The following APOB variants were observed in gnomAD, a reference collection of about 807,000 sequenced individuals.
APOB encodes apolipoprotein B-100.
APOB carries 153 observed loss-of-function variants against 314.1 expected under a neutral mutation model. The observed-to-expected ratio is 0.49, with a 90% CI of 0.43 to 0.56. The LOEUF (loss-of-function observed/expected upper bound fraction) is 0.56, where lower values mean the gene tolerates loss of function less well. APOB is among the 20% of genes least tolerant of loss of function. The pLI is 0.00. For missense variants in APOB, 5,430 were observed against 5,350.7 expected (o/e 1.01, Z -0.46); for synonymous variants, 2,087 against 2,036.4 (o/e 1.02, Z -0.67).
Position 21,032,486 on chromosome 2 carries a change from A to G in APOB, c.1220T>C (p.Leu407Pro). 6.2e-7 allele frequency: 1 copy of G among 1,614,196 alleles called. No homozygotes were observed. Among genetic ancestry groups the G allele is most frequent in the Non-Finnish European group, 8.5e-7 (1 of 1,180,028 alleles). ...CACCAGGTAGGTGACCACATCTATC[A>G]GAAGGGGGTTGGCATGCACACGTTT... ...WLKRVHANPL[L>P]IDVVTYLVAL... Residue 407 changes from leucine (L) to proline (P), a missense_variant, in exon 10 of 29, where the codon CTG becomes CCG. This residue lies in a region of APOB where 2,085 missense variants were observed against 2,079.7 expected (regional missense o/e 1.00). Coordinates refer to ENST00000233242, the MANE Select transcript of APOB (RefSeq NM_000384.3).
chr2:21,041,530 A>G (rs1664132633), intron 3 of APOB, among the ~76,000 whole-genome samples: 1 of 152,220 alleles, frequency 6.6e-6, no homozygotes, highest in South Asian at 2.1e-4. Context: ...ATTAGGGCCT[A>G]TTTAGAGCTT....
chr2:21,003,197 G>C lies in APOB; in HGVS notation c.12225C>G (p.Pro4075=). ...AATCATAAAGGACCCCTGTGGCCTTGGGCACGTTGTCTTTCAGAGAGGTTA... is the reference window on the plus strand; with the variant it reads ...AATCATAAAGGACCCCTGTGGCCTTCGGCACGTTGTCTTTCAGAGAGGTTA... ...GLLTSLKDNV[P]KATGVLYDYV... The change falls in exon 29 of 29, where the codon CCC becomes CCG. Residue 4075 remains proline (P), a synonymous_variant. Transcript: ENST00000233242. 1 of 1,613,980 alleles carries C rather than the reference G, an allele frequency of 6.2e-7. No homozygotes were observed. Among genetic ancestry groups the C allele is most frequent in the Non-Finnish European group, 8.5e-7 (1 of 1,179,960 alleles).
intron 8 of APOB, among the ~76,000 whole-genome samples, chr2:21,034,229 C>A (rs915106492): frequency 1.3e-5 from 2 of 152,188 alleles, no homozygotes; most frequent in South Asian, 4.1e-4. Context: ...TAATATTCTG[C>A]GGCCTTGACT....
intron 16 of APOB, 144 bp from the exon 17 acceptor site, chr2:21,023,836 A>ATCTT: frequency 1.6e-6 from 1 of 643,598 alleles, no homozygotes; most frequent in Non-Finnish European, 2.5e-6. Flanking sequence ...GAATAGTTTG[A>ATCTT]TAAATAAAGA....
chr2:21,015,116 T>C lies in APOB; in HGVS notation c.3653A>G (p.Gln1218Arg). The C allele has an allele frequency of 6.2e-7, 1 of 1,614,236 alleles. No homozygotes were observed. Among genetic ancestry groups the C allele is most frequent in the Non-Finnish European group, 8.5e-7 (1 of 1,180,042 alleles). The change falls in exon 23 of 29, where the codon CAA becomes CGA. Residue 1218 changes from glutamine to arginine, a missense_variant. Around this residue, in one of 3 missense-constraint regions of APOB, gnomAD observed 2,085 missense variants for 2,079.7 expected, o/e 1.00. Transcript: ENST00000233242. ...ANRLLDHRVP[Q>R]TDMTFRHVGS... is the part of the protein sequence containing the mutation. ...CACGTGCCGGAAAGTCATGTCTGTTTGAGGGACTCTGTGATCCAGGAGTCT... is the reference window on the plus strand; with the variant it reads ...CACGTGCCGGAAAGTCATGTCTGTTCGAGGGACTCTGTGATCCAGGAGTCT...
Position 21,004,265 on chromosome 2 carries a change from T to C in APOB, c.12087+4A>G. 6.2e-7 allele frequency: 1 copy of C among 1,613,864 alleles called. No individual in the cohort carries two copies. Among genetic ancestry groups the C allele is most frequent in the South Asian group, 1.1e-5 (1 of 91,080 alleles). ...GGGCGTGTCACTCATTAGGTGGTAT[T>C]TACCTGAGGGCTGTAGTAGAAGTTC... On this transcript the variant is annotated splice_donor_region_variant and intron_variant, in intron 28 of 28. Coordinates refer to ENST00000233242, the MANE Select transcript of APOB (RefSeq NM_000384.3).
chr2:21,027,365 G>A (rs1020836622), intron 14 of APOB, among the ~76,000 whole-genome samples: 4 of 142,888 alleles, frequency 2.8e-5, no homozygotes, highest in Non-Finnish European at 6.0e-5. Flanking sequence ...AGGCTGGAGC[G>A]CAGTGGCGCA....
In APOB at chr2:21,002,691, G is replaced by C. The variant is rs1052000878; in HGVS notation, c.12731C>G (p.Ser4244Cys). Residue 4244 changes from serine (S) to cysteine (C), a missense_variant, in exon 29 of 29, where the codon TCC becomes TGC. Physicochemically the swap from Ser to Cys is moderately radical, Grantham distance 112 (BLOSUM62 -1). Around this residue, in one of 3 missense-constraint regions of APOB, gnomAD observed 3,281 missense variants for 3,171.0 expected, o/e 1.03. Coordinates refer to ENST00000233242, the MANE Select transcript of APOB (RefSeq NM_000384.3). ...TGTAATCACTAGGTCTTGGAAATAGGAAAACAGTATTTCTGAACCATTATG... is the reference window on the plus strand; with the variant it reads ...TGTAATCACTAGGTCTTGGAAATAGCAAAACAGTATTTCTGAACCATTATG... ...KVHNGSEILF[S>C]YFQDLVITLP... The C allele has an allele frequency of 9.3e-6, 15 of 1,613,630 alleles. 1 individual carries two copies. The Admixed American group carries it at 1.8e-4, about 20-fold the overall frequency.
rs1028646792 is a variant in APOB at position 21,006,792 on chromosome 2, T to A, written c.10076A>T (p.Gln3359Leu). 6.2e-7 allele frequency: 1 copy of A among 1,614,094 alleles called. No homozygotes were observed. Among genetic ancestry groups the A allele is most frequent in the Non-Finnish European group, 8.5e-7 (1 of 1,179,980 alleles). ...TLNTNAELFN[Q>L]SDIVAHLLSS... ...AAGGAGATGAGCAACAATATCTGAC[T>A]GGTTAAAAAGTTCAGCATTGGTATT... Residue 3359 changes from glutamine to leucine, a missense_variant, in exon 26 of 29, where the codon CAG (glutamine) becomes CTG (leucine). Around this residue, in one of 3 missense-constraint regions of APOB, gnomAD observed 3,281 missense variants for 3,171.0 expected, o/e 1.03. Transcript: ENST00000233242.
Position 21,001,923 on chromosome 2 carries a change from T to C in APOB, c.13499A>G (p.Gln4500Arg). ...DYHQQFRYKL[Q>R]DFSDQLSDYY... ...ATCAGAGAGTTGGTCTGAAAAATCTTGCAGTTTATATCTAAACTGCTGGTG... is the reference window on the plus strand; with the variant it reads ...ATCAGAGAGTTGGTCTGAAAAATCTCGCAGTTTATATCTAAACTGCTGGTG... The change falls in exon 29 of 29, where the codon CAA (glutamine) becomes CGA (arginine). Residue 4500 changes from glutamine to arginine, a missense_variant. This residue lies in a region of APOB where 3,281 missense variants were observed against 3,171.0 expected (regional missense o/e 1.03). Transcript: ENST00000233242. The C allele has an allele frequency of 1.2e-6, 2 of 1,614,102 alleles. No homozygotes were observed. Among genetic ancestry groups the C allele is most frequent in the Non-Finnish European group, 1.7e-6 (2 of 1,179,978 alleles).
At position 21,008,421 on chromosome 2, in the gene APOB, T is replaced by G; in HGVS notation, c.8447A>C (p.Asn2816Thr). 1 of 1,614,096 alleles carries G rather than the reference T, an allele frequency of 6.2e-7. No individual in the cohort carries two copies. Among genetic ancestry groups the G allele is most frequent in the Middle Eastern group, 1.7e-4 (1 of 6,060 alleles). The change falls in exon 26 of 29, where the codon AAC becomes ACC. Residue 2816 changes from asparagine (N) to threonine (T), a missense_variant. Physicochemically the swap from Asn to Thr is moderately conservative, Grantham distance 65 (BLOSUM62 0). Coordinates refer to ENST00000233242, the MANE Select transcript of APOB (RefSeq NM_000384.3). ...FDFQANAQLS[N>T]PKINPLALKE... The stretch of plus-strand genomic sequence containing the variant: ...CAGAGCCAGCGGATTAATCTTAGGG[T>G]TTGAGAGTTGTGCATTTGCTTGAAA...
intron 6 of APOB, among the ~76,000 whole-genome samples, 171 bp downstream of exon 6, chr2:21,036,929 G>A (rs537018256): frequency 3.9e-5 from 6 of 152,276 alleles, no homozygotes; most frequent in Non-Finnish European, 5.9e-5. Flanking sequence ...ATCCCAGGCC[G>A]TGAAGCCTGG....
Position 21,005,637 on chromosome 2 carries a change from A to G in APOB, c.11231T>C (p.Leu3744Pro). 1 of 1,614,024 alleles carries G rather than the reference A, an allele frequency of 6.2e-7. No homozygotes were observed. The highest frequency in any genetic ancestry group is 8.5e-7 in the Non-Finnish European group (1 of 1,179,928). Residue 3744 changes from leucine to proline, a missense_variant, in exon 26 of 29, where the codon CTT (leucine) becomes CCT (proline). By Grantham distance (98) the Leu-to-Pro change is moderately conservative (BLOSUM62 -3). This residue lies in a region of APOB where 3,281 missense variants were observed against 3,171.0 expected (regional missense o/e 1.03). Transcript: ENST00000233242. ...TGGGACATGGAACGTAGGCATGACAAGAACTGAATTTAGATCATTTAGTTT... is the reference window on the plus strand; with the variant it reads ...TGGGACATGGAACGTAGGCATGACAGGAACTGAATTTAGATCATTTAGTTT... ...GLKLNDLNSV[L>P]VMPTFHVPFT...
chr2:21,026,768 G>C lies in APOB; in HGVS notation c.2244+20C>G. On this transcript the variant is annotated intron_variant, in intron 15 of 28. Transcript: ENST00000233242. ...TGAGACCCAAAGCTTTCCTTAAGAA[G>C]ATACTTCACAAATACACACCTGCTC... 1 of 1,603,238 alleles carries C rather than the reference G, an allele frequency of 6.2e-7. No homozygotes were observed. Among genetic ancestry groups the C allele is most frequent in the Non-Finnish European group, 8.5e-7 (1 of 1,170,204 alleles).
chr2:21,003,007 C>A lies in APOB; in HGVS notation c.12415G>T (p.Gly4139Trp). Reference sequence around the variant, plus strand: ...TTGTCCTTCCACTCTTGGTAGGTCCCAGTGGTGCCACTGGCTGCTTTCTGG... The same window carrying A: ...TTGTCCTTCCACTCTTGGTAGGTCCAAGTGGTGCCACTGGCTGCTTTCTGG... ...RFQKAASGTT[G>W]TYQEWKDKAQ... The change falls in exon 29 of 29, where the codon GGG becomes TGG. Residue 4139 changes from glycine (G) to tryptophan (W), a missense_variant. Transcript: ENST00000233242. The A allele has an allele frequency of 6.4e-7, 1 of 1,574,382 alleles. No individual in the cohort carries two copies. The highest frequency in any genetic ancestry group is 8.6e-7 in the Non-Finnish European group (1 of 1,159,932).
At position 21,006,359 on chromosome 2, in the gene APOB, C is replaced by T. The variant is rs769351301; in HGVS notation, c.10509G>A (p.Ser3503=). ...TTCCTGAATATTCCCGAGAAAGAAC[C>T]GAACCCTTGACATCTCCTTTGGTAG... is the stretch of plus-strand genomic sequence containing the variant. The part of the protein sequence containing the change: ...ESSTKGDVKG[S]VLSREYSGTI... Residue 3503 remains serine, a synonymous_variant, in exon 26 of 29, where the codon TCG becomes TCA. Transcript: ENST00000233242. 1.4e-4 allele frequency: 230 copies of T among 1,613,830 alleles called. No homozygotes were observed. The highest frequency in any genetic ancestry group is 1.9e-4 in the Non-Finnish European group (224 of 1,179,944).
At chr2:21,028,800 T>C (rs1377815254) in intron 12 of APOB, among the ~76,000 whole-genome samples, 1 of 152,142 alleles carries the variant, frequency 6.6e-6, no homozygotes, top group Non-Finnish European at 1.5e-5. Flanking sequence ...TTGTGATTTG[T>C]TTGGAGATCC....
chr2:21,018,961 G>C, intron 20 of APOB, 31 bp downstream of exon 20: 1 of 1,613,844 alleles, frequency 6.2e-7, no homozygotes, highest in Non-Finnish European at 8.5e-7. Flanking sequence ...ACTGCGAGCA[G>C]AGATGAGGCA....
rs977746971 is a variant in APOB, at chr2:21,006,354, A to G, written c.10514T>C (p.Leu3505Pro). 1.9e-6 allele frequency: 3 copies of G among 1,613,938 alleles called. No homozygotes were observed. The highest frequency in any genetic ancestry group is 3.3e-5 in the Admixed American group (2 of 59,982). Residue 3505 changes from leucine to proline, a missense_variant, in exon 26 of 29, where the codon CTT (leucine) becomes CCT (proline). Leu to Pro is a moderately conservative substitution (Grantham distance 98). Around this residue, in one of 3 missense-constraint regions of APOB, gnomAD observed 3,281 missense variants for 3,171.0 expected, o/e 1.03. Transcript: ENST00000233242. ...STKGDVKGSV[L>P]SREYSGTIAS... is the part of the protein sequence containing the mutation. ...AATAGTTCCTGAATATTCCCGAGAA[A>G]GAACCGAACCCTTGACATCTCCTTT...
Sources: gnomAD v4.1 joint callset for allele counts (sites outside exome capture counted in the v4.1 genomes callset) on GRCh38, gnomAD v4.1.1 for gene constraint, gnomAD v4.1.1 regional missense constraint, MANE v1.5 for transcripts, NCBI Gene and HGNC (gene_info 2026-07-23, HGNC 2026-07-21) for gene names.